USP5: variants seen among roughly 807,000 people sequenced by gnomAD.
USP5 encodes ubiquitin specific peptidase 5, also known as ubiquitin carboxyl-terminal hydrolase 5.
Under a neutral mutation model 102.5 loss-of-function variants are expected in USP5, and 24 were observed. The observed-to-expected ratio is 0.23, with a 90% CI of 0.17 to 0.33. The LOEUF (loss-of-function observed/expected upper bound fraction) is 0.33. Ranked by LOEUF, USP5 falls within the 10% of genes least tolerant of loss-of-function variation. The pLI, the probability that USP5 is intolerant of heterozygous loss-of-function variation, is 1.00. For missense variants in USP5, 753 were observed against 1,122.1 expected (o/e 0.67, Z 4.70); for synonymous variants, 460 against 434.8 (o/e 1.06, Z -0.72).
Position 6,856,932 on chromosome 12 carries a change from TATTTC to T in USP5, c.769+46_769+50del, listed in dbSNP as rs1555128468. On this transcript the variant is annotated intron_variant, in intron 6 of 19. Transcript: ENST00000229268. This position sits in a 1 kb window ranked among gnomAD's most constrained non-coding sequence, Gnocchi z 5.6. ...CTCCAGCCACTCTCATGCTTAAATA[TATTTC>T]ATTTGTTAGTAATTTCGTGTGACAT... 3 of 1,595,166 alleles carry T rather than the reference TATTTC, an allele frequency of 1.9e-6. No homozygotes were observed. Among genetic ancestry groups the T allele is most frequent in the South Asian group, 2.2e-5 (2 of 90,196 alleles).
chr12:6,852,201 G>A lies in USP5; in HGVS notation c.22G>A (p.Ala8Thr). 2 of 1,612,420 alleles carry A rather than the reference G, an allele frequency of 1.2e-6. No homozygotes were observed. The highest frequency in any genetic ancestry group is 1.7e-6 in the Non-Finnish European group (2 of 1,179,470). Residue 8 changes from alanine to threonine, a missense_variant, in exon 1 of 20, where the codon GCG (alanine) becomes ACG (threonine). Transcript: ENST00000229268. ...TGTCATGGCGGAGCTGAGTGAGGAG[G>A]CGCTGCTGTCAGTATTACCGACGAT... MAELSEE[A>T]LLSVLPTIRV... is the part of the protein sequence containing the mutation.
rs781788655 is a variant in USP5 at position 6,855,503 on chromosome 12, C to T, written c.214C>T (p.His72Tyr). The change falls in exon 2 of 20, where the codon CAC becomes TAC. Residue 72 changes from histidine (H) to tyrosine (Y), a missense_variant. This residue lies in a region of USP5 where 527 missense variants were observed against 816.5 expected (regional missense o/e 0.65). Transcript: ENST00000229268. This position sits in a 1 kb window ranked among gnomAD's most constrained non-coding sequence, Gnocchi z 4.6. The part of the protein sequence containing the change: ...FNKTGQRVYL[H>Y]LRRTRRPKEE... ...TAAGACCGGCCAGCGAGTCTACTTG[C>T]ACCTCCGGCGGACCCGGCGCCCGGT... The T allele has an allele frequency of 7.4e-6, 12 of 1,614,180 alleles. No homozygotes were observed. Among genetic ancestry groups the T allele is most frequent in the Non-Finnish European group, 1.0e-5 (12 of 1,180,038 alleles).
Position 6,852,278 on chromosome 12 carries a change from CT to C in USP5, c.101del (p.Phe34SerfsTer14). 1 of 1,610,210 alleles carries C rather than the reference CT, an allele frequency of 6.2e-7. No homozygotes were observed. The highest frequency in any genetic ancestry group is 1.1e-5 in the South Asian group (1 of 90,006). ...RVHKDECAFS[F>X]DTPESEGGLY... ...TCCACAAAGACGAGTGCGCCTTCTCCTTCGACACGCCGGTAAGCCCATTCCC... is the reference window on the plus strand; with the variant it reads ...TCCACAAAGACGAGTGCGCCTTCTCCTCGACACGCCGGTAAGCCCATTCCC... On this transcript the variant is annotated frameshift_variant, in exon 1 of 20. Coordinates refer to ENST00000229268, the MANE Select transcript of USP5 (RefSeq NM_001098536.2). LOFTEE classifies it high-confidence loss of function.
At position 6,856,427 on chromosome 12, in the gene USP5, C is replaced by G. The variant is rs1944114970; in HGVS notation, c.561C>G (p.Asp187Glu). ...SKHAFSLKQLDNPARIPPCGW... is the reference protein window; with the variant it reads ...SKHAFSLKQLENPARIPPCGW... ...ATGCCTTCAGCCTCAAGCAGTTGGA[C>G]AACCCTGCTCGAATCCCTCCCTGGT... The change falls in exon 5 of 20, where the codon GAC becomes GAG. Residue 187 changes from aspartate (D) to glutamate (E), a missense_variant. Asp to Glu is a conservative substitution (Grantham distance 45). Transcript: ENST00000229268. The surrounding 1 kb of genome is among the most constrained non-coding windows in gnomAD (Gnocchi z 5.6). The G allele has an allele frequency of 1.2e-6, 2 of 1,612,554 alleles. No homozygotes were observed. The highest frequency in any genetic ancestry group is 1.3e-5 in the African/African-American group (1 of 75,044).
intron 9 of USP5, 86 bp downstream of exon 9, chr12:6,859,627 A>C: frequency 1.5e-6 from 2 of 1,308,440 alleles, no homozygotes; most frequent in Non-Finnish European, 2.2e-6. Flanking sequence ...GGGGCACAGC[A>C]CTTTAACCCC....
intron 1 of USP5, among the ~76,000 whole-genome samples, chr12:6,853,207 C>T (rs1555127431): frequency 6.6e-6 from 1 of 152,234 alleles, no homozygotes; most frequent in Admixed American, 6.5e-5. Flanking sequence ...CACCCCTCCC[C>T]TCAAGCTGCT....
At chr12:6,853,464 C>T (rs1944008678) in intron 1 of USP5, among the ~76,000 whole-genome samples, 1 of 152,266 alleles carries the variant, frequency 6.6e-6, no homozygotes, top group East Asian at 1.9e-4. Flanking sequence ...CGGAGCAGAG[C>T]TCCGGGGTTC....
At chr12:6,865,035 C>T (rs1555130501) in intron 18 of USP5, 129 bp from the exon 19 acceptor site, 1 of 1,294,276 alleles carries the variant, frequency 7.7e-7, no homozygotes, top group Non-Finnish European at 1.1e-6. Flanking sequence ...GAGACAGGCT[C>T]TGGCCCAGTA....
At position 6,863,220 on chromosome 12, in the gene USP5, C is replaced by G. The variant is rs147989718; in HGVS notation, c.1797C>G (p.Ile599Met). The change falls in exon 15 of 20, where the codon ATC becomes ATG. Residue 599 changes from isoleucine (I) to methionine (M), a missense_variant. Ile to Met is a conservative substitution (Grantham distance 10, BLOSUM62 1). Transcript: ENST00000229268. The surrounding 1 kb of genome is among the most constrained non-coding windows in gnomAD (Gnocchi z 4.7). ...VSIEMPEELD[I>M]SQLRGTGLQP... Reference sequence around the variant, plus strand: ...TCGAGATGCCAGAGGAGCTCGACATCTCCCAGTTGAGGGGCACAGGGCTGC... The same window carrying G: ...TCGAGATGCCAGAGGAGCTCGACATGTCCCAGTTGAGGGGCACAGGGCTGC... The G allele has an allele frequency of 6.2e-7, 1 of 1,614,000 alleles. No homozygotes were observed. The highest frequency in any genetic ancestry group is 1.1e-5 in the South Asian group (1 of 91,078).
rs1447771541 is a variant in USP5 at position 6,863,664 on chromosome 12, C to G, written c.1955-166C>G. 6.6e-6 allele frequency among the ~76,000 whole-genome samples: 1 copy of G among 152,086 alleles called. No individual in the cohort carries two copies. The highest frequency in any genetic ancestry group is 1.5e-5 in the Non-Finnish European group (1 of 68,030). ...CCCATTCTGTGAGAATGGGCAGGGACCCACATTACAATTGTGTGGTCATTT... is the reference window on the plus strand; with the variant it reads ...CCCATTCTGTGAGAATGGGCAGGGAGCCACATTACAATTGTGTGGTCATTT... On this transcript the variant is annotated intron_variant, in intron 15 of 19. Transcript: ENST00000229268. The surrounding 1 kb of genome is among the most constrained non-coding windows in gnomAD (Gnocchi z 4.7).
Position 6,855,633 on chromosome 12 carries a change from G to A in USP5, c.237+107G>A. ...CCTACTTTTGTGTCATTAAAGCTTGGCACAGATGTTTTTTAGCTTTATTCC... is the reference window on the plus strand; with the variant it reads ...CCTACTTTTGTGTCATTAAAGCTTGACACAGATGTTTTTTAGCTTTATTCC... On this transcript the variant is annotated intron_variant, in intron 2 of 19. Coordinates refer to ENST00000229268, the MANE Select transcript of USP5 (RefSeq NM_001098536.2). The surrounding 1 kb of genome is among the most constrained non-coding windows in gnomAD (Gnocchi z 4.6). 1 of 1,586,010 alleles carries A rather than the reference G, an allele frequency of 6.3e-7. No homozygotes were observed. Among genetic ancestry groups the A allele is most frequent in the Non-Finnish European group, 8.6e-7 (1 of 1,165,740 alleles).
intron 6 of USP5, 95 bp from the exon 7 acceptor site, chr12:6,857,534 C>A: frequency 9.7e-7 from 1 of 1,035,946 alleles, no homozygotes; most frequent in Non-Finnish European, 1.5e-6. Context: ...GGCTCTCCTT[C>A]TGTCCCCTCA....
chr12:6,856,330 T>A lies in USP5; in HGVS notation c.464T>A (p.Leu155Gln). Reference sequence around the variant, plus strand: ...GTGACCAGTGCAGTGGAGGCCCTACTGTCGGCCGACTCAGCCTCCCGCAAG... The same window carrying A: ...GTGACCAGTGCAGTGGAGGCCCTACAGTCGGCCGACTCAGCCTCCCGCAAG... ...DRVTSAVEAL[L>Q]SADSASRKQE... The change falls in exon 5 of 20, where the codon CTG becomes CAG. Residue 155 changes from leucine to glutamine, a missense_variant. By Grantham distance (113) the Leu-to-Gln change is moderately radical (BLOSUM62 -2). This residue lies in a region of USP5 where 527 missense variants were observed against 816.5 expected (regional missense o/e 0.65). Coordinates refer to ENST00000229268, the MANE Select transcript of USP5 (RefSeq NM_001098536.2). The surrounding 1 kb of genome is among the most constrained non-coding windows in gnomAD (Gnocchi z 5.6). The A allele has an allele frequency of 6.2e-7, 1 of 1,613,720 alleles. No individual in the cohort carries two copies. The highest frequency in any genetic ancestry group is 8.5e-7 in the Non-Finnish European group (1 of 1,179,834).
At chr12:6,862,976 A>G (rs1309662839) in intron 14 of USP5, among the ~76,000 whole-genome samples, 2 of 152,044 alleles carry the variant, frequency 1.3e-5, no homozygotes, top group Non-Finnish European at 2.9e-5. Flanking sequence ...TCCATAGATT[A>G]TTTATGGTAG....
rs1190300037 is a variant in USP5, at chr12:6,864,215, A to C, written c.2244+20A>C. 4.4e-6 allele frequency: 7 copies of C among 1,582,612 alleles called. No homozygotes were observed. In the African/African-American group the frequency reaches 9.5e-5, roughly 21 times the overall value. ...GCCACGGTATGGGCTGCCCCAGCTA[A>C]GGACATGGGGCCAGTGGGGAAGAAG... On this transcript the variant is annotated intron_variant, in intron 17 of 19. Transcript: ENST00000229268. The surrounding 1 kb of genome is among the most constrained non-coding windows in gnomAD (Gnocchi z 4.8).
At chr12:6,852,342 G>A (rs1555127080) in intron 1 of USP5, 52 bp downstream of exon 1, 1 of 1,543,044 alleles carries the variant, frequency 6.5e-7, no homozygotes, top group Admixed American at 1.9e-5. Flanking sequence ...CCATCGCCCT[G>A]GTCATTCCGC....
In USP5 at chr12:6,861,378, G is replaced by A. The variant is rs1944272248; in HGVS notation, c.1499-65G>A. 1 of 1,494,976 alleles carries A rather than the reference G, an allele frequency of 6.7e-7. No homozygotes were observed. The highest frequency in any genetic ancestry group is 9.0e-7 in the Non-Finnish European group (1 of 1,111,496). The allele number at this position is 1,494,976 out of a possible 1,614,324, so 92.6% of individuals were successfully genotyped here. On this transcript the variant is annotated intron_variant, in intron 12 of 19. Transcript: ENST00000229268. This position sits in a 1 kb window ranked among gnomAD's most constrained non-coding sequence, Gnocchi z 4.9. ...TGAAATACGGACACAGAGCCAGTAG[G>A]GAGAGGCTAAGGAGGCAAAGAAGCA...
intron 1 of USP5, among the ~76,000 whole-genome samples, chr12:6,854,881 G>A (rs1258058626): frequency 2.0e-5 from 3 of 152,136 alleles, no homozygotes; most frequent in Non-Finnish European, 2.9e-5. Flanking sequence ...GAATCATGGA[G>A]ATGAGATAGG....
rs781874072 is a variant in USP5, at chr12:6,865,210, G to A, written c.2445G>A (p.Met815Ile). 246 of 1,613,852 alleles carry A rather than the reference G, an allele frequency of 1.5e-4. No individual in the cohort carries two copies. The highest frequency in any genetic ancestry group is 2.0e-4 in the Non-Finnish European group (239 of 1,179,886). ...AFISHMGTSTMCGHYVCHIKK... is the reference protein window; with the variant it reads ...AFISHMGTSTICGHYVCHIKK... ...TTAGTCACATGGGCACCTCTACCAT[G>A]TGTGGTCACTACGTCTGCCACATCA... is the stretch of plus-strand genomic sequence containing the variant. The change falls in exon 19 of 20, where the codon ATG becomes ATA. Residue 815 changes from methionine to isoleucine, a missense_variant. Met to Ile is a conservative substitution (Grantham distance 10). Around this residue, in one of 3 missense-constraint regions of USP5, gnomAD observed 33 missense variants for 75.3 expected, o/e 0.44. Transcript: ENST00000229268.
Sources: gnomAD v4.1 joint callset for allele counts (sites outside exome capture counted in the v4.1 genomes callset) on GRCh38, gnomAD v4.1.1 for gene constraint, gnomAD v4.1.1 regional missense constraint, Gnocchi (gnomAD v3.1) non-coding constraint, MANE v1.5 for transcripts, NCBI Gene and HGNC (gene_info 2026-07-23, HGNC 2026-07-21) for gene names.